CCDC30: variants seen among roughly 807,000 people sequenced by gnomAD.
CCDC30 encodes coiled-coil domain-containing protein 30.
A neutral mutation model predicts 100.2 loss-of-function variants in CCDC30; 70 were observed. The observed-to-expected ratio is 0.70, with a 90% CI of 0.58 to 0.85. The LOEUF (loss-of-function observed/expected upper bound fraction) is 0.85. Among genes scored for constraint, CCDC30 ranks in the 40% least tolerant of loss-of-function variants. The pLI, the probability that CCDC30 is intolerant of heterozygous loss-of-function variation, is 0.00. For synonymous variants in CCDC30, 233 were observed against 269.5 expected, an observed-to-expected ratio of 0.86 and a Z score of 1.33; for missense variants, 652 against 771.2, an observed-to-expected ratio of 0.85 and a Z score of 1.83.
chr1:42,635,591 C>T (rs916102780), intron 11 of CCDC30, among the ~76,000 whole-genome samples: 12 of 151,468 alleles, frequency 7.9e-5, no homozygotes, highest in African/African-American at 2.4e-4. Context: ...GGGCAGATCA[C>T]GAGGTCAGGA....
At position 42,476,686 on chromosome 1, in the gene CCDC30, T is replaced by G. The variant is rs1366226660; in HGVS notation, c.-91-3775T>G. On this transcript the variant is annotated intron_variant, in intron 1 of 16. Coordinates refer to ENST00000668663, the Ensembl canonical transcript of CCDC30. ...GCCTGGGCAAAAGGAGTGAAACTCC[T>G]TCTCAAAAAAAAAAAAAAGATAAAA... 3.6e-3 allele frequency among the ~76,000 whole-genome samples: 514 copies of G among 144,002 alleles called. 3 individuals carry two copies. The highest frequency in any genetic ancestry group is 0.012 in the African/African-American group (494 of 39,710). The allele number at this position is 144,002 out of a possible 152,430, so 94.5% of individuals were successfully genotyped here. A position where few individuals can be genotyped will look rare whatever the true frequency, so the allele number is the denominator to read the frequency against.
intron 9 of CCDC30, among the ~76,000 whole-genome samples, chr1:42,584,362 A>G (rs1251214745): frequency 2.6e-5 from 4 of 152,182 alleles, no homozygotes; most frequent in Non-Finnish European, 4.4e-5. Context: ...AGGCTGAGGC[A>G]GGCAGATCAC....
chr1:42,508,315 C>G (rs1417084365), intron 6 of CCDC30, among the ~76,000 whole-genome samples: 1 of 152,150 alleles, frequency 6.6e-6, no homozygotes, highest in East Asian at 1.9e-4. Context: ...GCAAGGCAAC[C>G]CAAAGGCAAT....
chr1:42,480,512 C>T, exon 2 of CCDC30: 1 of 539,370 alleles, frequency 1.9e-6, no homozygotes, highest in Admixed American at 6.4e-5. Flanking sequence ...CAGCCTCAAC[C>T]TCCTGGGCTC....
intron 1 of CCDC30, among the ~76,000 whole-genome samples, chr1:42,476,872 C>T (rs1269380556): frequency 3.5e-5 from 5 of 142,824 alleles, no homozygotes; most frequent in African/African-American, 1.0e-4. Context: ...TACAAGAGTT[C>T]GTTGATGGAA....
chr1:42,458,650 C>CT (rs1419218189), upstream of CCDC30, among the ~76,000 whole-genome samples: 1 of 152,076 alleles, frequency 6.6e-6, no homozygotes, highest in Admixed American at 6.5e-5. Flanking sequence ...ACACTAACAG[C>CT]TTTTTTTTAG....
chr1:42,592,475 A>G (rs11210677), intron 10 of CCDC30: 97,203 of 152,028 alleles, frequency 0.64, 31,265 homozygotes, highest in South Asian at 0.71. Context: ...AGGCCAAGGC[A>G]TTTGAGCTTG....
intron 1 of CCDC30, among the ~76,000 whole-genome samples, chr1:42,465,275 C>A (rs376702561): frequency 6.6e-6 from 1 of 152,156 alleles, no homozygotes; most frequent in Non-Finnish European, 1.5e-5. Flanking sequence ...CGCACCACTG[C>A]GCTCCAACCT....
upstream of CCDC30, among the ~76,000 whole-genome samples, chr1:42,463,155 AC>A (rs372237443): frequency 2.7e-4 from 41 of 151,896 alleles, no homozygotes; most frequent in Middle Eastern, 3.4e-3. Context: ...TCCGCCCCCG[AC>A]CCGAAGGCCA....
chr1:42,654,303 A>T, downstream of CCDC30: 1 of 326,076 alleles, frequency 3.1e-6, no homozygotes, highest in Non-Finnish European at 5.6e-6. Context: ...GGTTAATTCA[A>T]CATTCTTTCC....
chr1:42,460,169 T>C, upstream of CCDC30: 1 of 1,216,544 alleles, frequency 8.2e-7, no homozygotes, highest in Non-Finnish European at 1.0e-6. Flanking sequence ...TTGGGAATTA[T>C]ATATTCCTTA....
At position 42,536,457 on chromosome 1, in the gene CCDC30, T is replaced by C; in HGVS notation, c.457-29839T>C. The stretch of plus-strand genomic sequence containing the variant: ...CTGCTATTATATATAAAATTAATTA[T>C]GTAAAATGCTTTTTACAGATCCTGA... On this transcript the variant is annotated intron_variant, in intron 6 of 16. Transcript: ENST00000668663. 1 of 1,491,490 alleles carries C rather than the reference T, an allele frequency of 6.7e-7. No homozygotes were observed. The highest frequency in any genetic ancestry group is 9.2e-7 in the Non-Finnish European group (1 of 1,087,232). 92.4% of individuals were successfully genotyped at this position (1,491,490 alleles called of 1,614,324 possible).
chr1:42,629,079 G>T lies in CCDC30; in HGVS notation c.1278-8158G>T, dbSNP rs1219879415. On this transcript the variant is annotated intron_variant, in intron 11 of 16. Transcript: ENST00000668663. ...GTAGTTTACACACTACAGTTACAGT[G>T]TTATATTTTGTGGTTTTCTATGTAT... is the stretch of plus-strand genomic sequence containing the variant. 2.0e-5 allele frequency among the ~76,000 whole-genome samples: 3 copies of T among 152,270 alleles called. No homozygotes were observed. The East Asian group carries it at 5.8e-4, about 29-fold the overall frequency.
At chr1:42,616,815 T>C (rs893424251) in intron 11 of CCDC30, among the ~76,000 whole-genome samples, 1 of 152,230 alleles carries the variant, frequency 6.6e-6, no homozygotes, top group African/African-American at 2.4e-5. Context: ...TCACCAGCTG[T>C]ACTGCATCAA....
At chr1:42,493,056 G>A (rs976972719) in intron 4 of CCDC30, among the ~76,000 whole-genome samples, 5 of 152,100 alleles carry the variant, frequency 3.3e-5, no homozygotes, top group African/African-American at 1.2e-4. Flanking sequence ...TCATTTCTGT[G>A]ACATAGCTAA....
At chr1:42,573,819 T>C (rs766469691) in intron 7 of CCDC30, among the ~76,000 whole-genome samples, 1 of 152,164 alleles carries the variant, frequency 6.6e-6, no homozygotes, top group Admixed American at 6.5e-5. Context: ...GTTCAATGTT[T>C]TATGACAAAT....
intron 15 of CCDC30, among the ~76,000 whole-genome samples, chr1:42,648,210 G>A (rs984791256): frequency 3.3e-5 from 5 of 152,224 alleles, no homozygotes; most frequent in African/African-American, 9.6e-5. Flanking sequence ...AAAGTGCTGG[G>A]ATTATAGGCA....
intron 11 of CCDC30, among the ~76,000 whole-genome samples, chr1:42,629,583 T>C (rs1646995502): frequency 1.3e-5 from 2 of 152,204 alleles, no homozygotes; most frequent in African/African-American, 2.4e-5. Flanking sequence ...GGAAGTTATC[T>C]GCTATTATCC....
chr1:42,613,842 C>T (rs776282241), intron 11 of CCDC30, among the ~76,000 whole-genome samples: 1 of 151,972 alleles, frequency 6.6e-6, no homozygotes, highest in East Asian at 1.9e-4. Flanking sequence ...TATCTTGTGC[C>T]GACTTCCTAT....
Sources: gnomAD v4.1 joint callset for allele counts (sites outside exome capture counted in the v4.1 genomes callset) on GRCh38, gnomAD v4.1.1 for gene constraint, MANE v1.5 for transcripts, NCBI Gene and HGNC (gene_info 2026-07-23, HGNC 2026-07-21) for gene names.